DENND2B: variants seen among roughly 807,000 people sequenced by gnomAD.
DENND2B encodes DENN domain-containing protein 2B.
DENND2B carries 32 observed loss-of-function variants against 116.0 expected under a neutral mutation model. The observed-to-expected ratio is 0.28, with a 90% CI of 0.21 to 0.37. DENND2B has a LOEUF of 0.37. Ranked by LOEUF, DENND2B falls within the 10% of genes least tolerant of loss-of-function variation. The pLI is 1.00. For missense variants in DENND2B, 1,276 were observed against 1,477.7 expected, an observed-to-expected ratio of 0.86 and a Z score of 2.24; for synonymous variants, 588 against 583.9, an observed-to-expected ratio of 1.01 and a Z score of -0.10.
chr11:8,698,334 TTGTTTCGTCTCTATACTC>T (rs2040831465), intron 16 of DENND2B, among the ~76,000 whole-genome samples: 1 of 151,954 alleles, frequency 6.6e-6, no homozygotes, highest in Admixed American at 6.6e-5. Flanking sequence ...AGTTAGACTG[TTGTTTCGTCTCTATACTC>T]TGTTTCTGTG....
In DENND2B at chr11:8,712,993, C is replaced by T. The variant is rs1378137170; in HGVS notation, c.1988-258G>A. 1.3e-5 allele frequency among the ~76,000 whole-genome samples: 2 copies of T among 152,104 alleles called. No individual in the cohort carries two copies. Among genetic ancestry groups the T allele is most frequent in the South Asian group, 2.1e-4 (1 of 4,828 alleles). Reference sequence around the variant, plus strand: ...GACTGAGCTGGGGCAGGAGGACTGCCGAGGCCAGGCAAACCCAGGGATGTA... The same window carrying T: ...GACTGAGCTGGGGCAGGAGGACTGCTGAGGCCAGGCAAACCCAGGGATGTA... On this transcript the variant is annotated intron_variant, in intron 8 of 19. Coordinates refer to ENST00000313726, the MANE Select transcript of DENND2B (RefSeq NM_213618.2). The surrounding 1 kb of genome is among the most constrained non-coding windows in gnomAD (Gnocchi z 4.4).
At chr11:8,907,695 G>T (rs2064255729) in intron 1 of DENND2B, among the ~76,000 whole-genome samples, 1 of 151,850 alleles carries the variant, frequency 6.6e-6, no homozygotes, top group Non-Finnish European at 1.5e-5. Context: ...TAATAGAAAA[G>T]CCAACTCTTT....
intron 4 of DENND2B, among the ~76,000 whole-genome samples, chr11:8,835,110 G>A (rs148405389): frequency 0.025 from 3,786 of 152,134 alleles, 163 homozygotes; most frequent in African/African-American, 0.086. Context: ...CGGGCATGGC[G>A]GTGTGTGCCT....
rs1025455650 is a variant in DENND2B, at chr11:8,694,056, G to C, written c.*40C>G. ...GGCTGGGCCTTCTCCCCAGGCTTCA[G>C]GCTCTGCAAGGCACTGGACTCTGCT... On this transcript the variant is annotated 3_prime_UTR_variant, in exon 20 of 20. Transcript: ENST00000313726. 12 of 1,612,832 alleles carry C rather than the reference G, an allele frequency of 7.4e-6. No individual in the cohort carries two copies. Among genetic ancestry groups the C allele is most frequent in the Non-Finnish European group, 9.3e-6 (11 of 1,179,274 alleles).
rs186467894 is a variant in DENND2B at position 8,698,573 on chromosome 11, C to A, written c.2940+360G>T. On this transcript the variant is annotated intron_variant, in intron 16 of 19. Transcript: ENST00000313726. ...TAACAATCTATAGTTATTTGTGTAA[C>A]CCCCAGCAAACATTTCAAGGCAGGT... is the stretch of plus-strand genomic sequence containing the variant. Among the ~76,000 whole-genome samples the A allele has an allele frequency of 3.3e-5, 5 of 152,284 alleles. No homozygotes were observed. In the East Asian group the frequency reaches 7.7e-4, roughly 23 times the overall value.
At chr11:8,741,880 C>T (rs1565808278) in intron 2 of DENND2B, among the ~76,000 whole-genome samples, 1 of 151,884 alleles carries the variant, frequency 6.6e-6, no homozygotes, top group African/African-American at 2.4e-5. Flanking sequence ...CCACCACAAG[C>T]CTTGAAGTCT....
At chr11:8,778,724 G>A (rs746403491) in intron 1 of DENND2B, among the ~76,000 whole-genome samples, 6 of 152,186 alleles carry the variant, frequency 3.9e-5, no homozygotes, top group Admixed American at 3.3e-4. Flanking sequence ...ATGGGGTGCC[G>A]GCCATCACCT....
chr11:8,798,965 T>G (rs1179851254), intron 1 of DENND2B, among the ~76,000 whole-genome samples: 1 of 151,860 alleles, frequency 6.6e-6, no homozygotes, highest in Admixed American at 6.6e-5. Flanking sequence ...GTAGCTGGGA[T>G]TACAGGCACC....
At chr11:8,760,658 G>A (rs776644046) in intron 1 of DENND2B, among the ~76,000 whole-genome samples, 9 of 152,030 alleles carry the variant, frequency 5.9e-5, no homozygotes, top group Non-Finnish European at 1.0e-4. Flanking sequence ...ATACCAGGAA[G>A]GATTTTCTCA....
chr11:8,861,274 A>G (rs2063381043), intron 2 of DENND2B, among the ~76,000 whole-genome samples: 1 of 152,210 alleles, frequency 6.6e-6, no homozygotes, highest in African/African-American at 2.4e-5. Flanking sequence ...AATATTTGCA[A>G]ATTATGCATC....
chr11:8,848,927 G>C (rs2062902511), intron 3 of DENND2B, among the ~76,000 whole-genome samples: 1 of 151,774 alleles, frequency 6.6e-6, no homozygotes, highest in East Asian at 1.9e-4. Flanking sequence ...CTTAACCCAG[G>C]GTTTATCCAG....
chr11:8,872,946 C>T (rs1485122987), upstream of DENND2B, among the ~76,000 whole-genome samples: 7 of 152,148 alleles, frequency 4.6e-5, no homozygotes, highest in African/African-American at 1.7e-4. Flanking sequence ...CTCAGGAGAC[C>T]TGGGCCATAT....
chr11:8,740,434 C>T (rs2133983867), intron 2 of DENND2B, among the ~76,000 whole-genome samples: 1 of 152,212 alleles, frequency 6.6e-6, no homozygotes, highest in African/African-American at 2.4e-5. Flanking sequence ...TCAGGTGCCC[C>T]GAGGAACTTT....
chr11:8,752,068 C>A (rs894145294), intron 1 of DENND2B, among the ~76,000 whole-genome samples: 17 of 152,134 alleles, frequency 1.1e-4, no homozygotes, highest in Admixed American at 1.0e-3. Flanking sequence ...GAAAAACAGA[C>A]AATGAGCACA....
chr11:8,703,775 C>A (rs2042115199), intron 13 of DENND2B, among the ~76,000 whole-genome samples: 1 of 152,306 alleles, frequency 6.6e-6, no homozygotes, highest in South Asian at 2.1e-4. Flanking sequence ...CCCAGAGAAG[C>A]AGCAAAATGG....
chr11:8,718,096 A>AC (rs1430185488), intron 4 of DENND2B: 3 of 71,134 alleles, frequency 4.2e-5, no homozygotes, highest in Admixed American at 2.0e-4. Flanking sequence ...AAGCAGACCC[A>AC]CCCCCCCACC....
At chr11:8,789,323 T>C (rs764279010) in intron 1 of DENND2B, among the ~76,000 whole-genome samples, 12 of 152,232 alleles carry the variant, frequency 7.9e-5, no homozygotes, top group African/African-American at 2.4e-5. Flanking sequence ...TTGGTTATGC[T>C]TGGTATTTTC....
intron 1 of DENND2B, among the ~76,000 whole-genome samples, chr11:8,778,996 T>A (rs1054428343): frequency 6.6e-6 from 1 of 152,198 alleles, no homozygotes; most frequent in Non-Finnish European, 1.5e-5. Flanking sequence ...CCTAATAACA[T>A]TGACAGTAAT....
At chr11:8,764,848 G>A (rs1206963813) in intron 1 of DENND2B, among the ~76,000 whole-genome samples, 1 of 150,886 alleles carries the variant, frequency 6.6e-6, no homozygotes, top group Non-Finnish European at 1.5e-5. Context: ...TGGAGGCTGA[G>A]GCAGGAGAAT....
Sources: gnomAD v4.1 joint callset for allele counts (sites outside exome capture counted in the v4.1 genomes callset) on GRCh38, gnomAD v4.1.1 for gene constraint, Gnocchi (gnomAD v3.1) non-coding constraint, MANE v1.5 for transcripts, NCBI Gene and HGNC (gene_info 2026-07-23, HGNC 2026-07-21) for gene names.